The following SYTL2 variants were observed in gnomAD, a reference collection of about 807,000 sequenced individuals.
SYTL2 encodes the protein synaptotagmin-like protein 2.
Under a neutral mutation model 198.7 loss-of-function variants are expected in SYTL2, and 165 were observed. The ratio of observed to expected loss-of-function variants is 0.83; its 90% CI spans 0.73 to 0.94. The LOEUF is 0.94. SYTL2 is among the 40% of genes least tolerant of loss of function. The pLI, the probability that SYTL2 is intolerant of heterozygous loss-of-function variation, is 0.00. For synonymous variants in SYTL2, 966 were observed against 917.7 expected, an observed-to-expected ratio of 1.05 and a Z score of -0.95; for missense variants, 2,835 against 2,582.8, an observed-to-expected ratio of 1.10 and a Z score of -2.12.
At chr11:85,815,324 T>C (rs976705763), upstream of SYTL2, among the ~76,000 whole-genome samples, 1 of 152,236 alleles carries the variant, frequency 6.6e-6, no homozygotes, top group Non-Finnish European at 1.5e-5. Flanking sequence ...ATATCTGGCA[T>C]GGTAATGTGG....
chr11:85,744,488 A>G (rs191982766), intron 4 of SYTL2, among the ~76,000 whole-genome samples: 2 of 152,300 alleles, frequency 1.3e-5, no homozygotes, highest in Non-Finnish European at 2.9e-5. Flanking sequence ...TGGGAAACAG[A>G]ATGATCCCCT....
intron 1 of SYTL2, among the ~76,000 whole-genome samples, chr11:85,801,740 T>C (rs1592078828): frequency 6.6e-6 from 1 of 151,964 alleles, no homozygotes; most frequent in East Asian, 1.9e-4. Flanking sequence ...CTTTGGTCTT[T>C]GGTGAAACTC....
At chr11:85,816,872 C>T in the SYTL2 span, among the ~76,000 whole-genome samples, 13 of 145,626 alleles carry the variant, frequency 8.9e-5, no homozygotes, top group South Asian at 4.3e-4. Context: ...CATGATCATG[C>T]CACTAAACTT....
the SYTL2 span, among the ~76,000 whole-genome samples, chr11:85,831,020 T>G: frequency 6.6e-6 from 1 of 152,224 alleles, no homozygotes; most frequent in South Asian, 2.1e-4. Flanking sequence ...TTCTACGCCC[T>G]GGGGTTTTAT....
At chr11:85,735,523 G>A (rs566797318) in intron 6 of SYTL2, among the ~76,000 whole-genome samples, 6 of 152,264 alleles carry the variant, frequency 3.9e-5, no homozygotes, top group East Asian at 1.9e-4. Context: ...TTGGGAAGCC[G>A]AGGTGGGTGG....
chr11:85,731,066 A>G (rs2089765658), intron 7 of SYTL2, among the ~76,000 whole-genome samples: 1 of 152,188 alleles, frequency 6.6e-6, no homozygotes, highest in South Asian at 2.1e-4. Flanking sequence ...ACTACAAACC[A>G]CTGCTCAAGG....
intron 1 of SYTL2, among the ~76,000 whole-genome samples, chr11:85,794,484 T>C (rs2092775148): frequency 6.6e-6 from 1 of 152,174 alleles, no homozygotes; most frequent in Admixed American, 6.5e-5. Flanking sequence ...CAGCCAGTTT[T>C]AAATTTTAAA....
At chr11:85,730,750 C>T (rs1207670122) in intron 7 of SYTL2, among the ~76,000 whole-genome samples, 1 of 151,944 alleles carries the variant, frequency 6.6e-6, no homozygotes, top group African/African-American at 2.4e-5. Context: ...CTAGGACAAT[C>T]AGGCAAGAGA....
At chr11:85,731,361 G>T (rs772577786) in intron 7 of SYTL2, among the ~76,000 whole-genome samples, 123 of 152,226 alleles carry the variant, frequency 8.1e-4, no homozygotes, top group Non-Finnish European at 1.2e-3. Flanking sequence ...AACCAAAACT[G>T]CATGGTACTG....
At chr11:85,802,235 T>TC (rs1369250789) in intron 1 of SYTL2, among the ~76,000 whole-genome samples, 1 of 149,794 alleles carries the variant, frequency 6.7e-6, no homozygotes, top group Non-Finnish European at 1.5e-5. Flanking sequence ...TTTTTTTTTT[T>TC]TTGTGAGCCG....
At chr11:85,718,001 A>G (rs2087637138) in intron 10 of SYTL2, among the ~76,000 whole-genome samples, 1 of 152,244 alleles carries the variant, frequency 6.6e-6, no homozygotes, top group African/African-American at 2.4e-5. Flanking sequence ...ACATAAAAGT[A>G]AAGAATGACC....
intron 16 of SYTL2, among the ~76,000 whole-genome samples, chr11:85,701,931 T>C (rs2084355076): frequency 6.6e-6 from 1 of 152,202 alleles, no homozygotes; most frequent in Admixed American, 6.5e-5. Flanking sequence ...GACATTTAAG[T>C]AGTGCCAAAC....
At chr11:85,762,131 G>A (rs188413422) in intron 1 of SYTL2, among the ~76,000 whole-genome samples, 8 of 152,182 alleles carry the variant, frequency 5.3e-5, no homozygotes, top group South Asian at 4.2e-4. Flanking sequence ...TCCAATCAGC[G>A]AGGCAGAACA....
rs559273842 is a variant in SYTL2 at position 85,792,735 on chromosome 11, G to A, written c.-390+18219C>T. Among the ~76,000 whole-genome samples the A allele has an allele frequency of 1.1e-3, 161 of 151,492 alleles. 3 individuals are homozygous for A. The South Asian group carries it at 0.032, about 30-fold the overall frequency. On this transcript the variant is annotated intron_variant, in intron 1 of 19. Coordinates refer to ENST00000359152, the MANE Select transcript of SYTL2 (RefSeq NM_206927.4). Reference sequence around the variant, plus strand: ...GCTGGTGTGCTGCACCCATTAACTCGTCATTTAGCATTAGGTAGATCTCCT... The same window carrying A: ...GCTGGTGTGCTGCACCCATTAACTCATCATTTAGCATTAGGTAGATCTCCT...
the SYTL2 span, among the ~76,000 whole-genome samples, chr11:85,825,907 T>C: frequency 6.6e-6 from 1 of 152,328 alleles, no homozygotes; most frequent in East Asian, 1.9e-4. Flanking sequence ...ATTATTTTGT[T>C]AGATTGTAAG....
intron 1 of SYTL2, among the ~76,000 whole-genome samples, chr11:85,803,682 T>TC (rs1566041727): frequency 6.6e-6 from 1 of 152,134 alleles, no homozygotes; most frequent in African/African-American, 2.4e-5. Context: ...TTTAGAGAAC[T>TC]CCCCCCAAAG....
chr11:85,745,795 CAG>C (rs1350895242), intron 3 of SYTL2, 23 bp from the exon 4 acceptor site: 14 of 1,597,372 alleles, frequency 8.8e-6, no homozygotes, highest in Non-Finnish European at 1.2e-5. Context: ...ACAGTAAAGA[CAG>C]GAAGGTTATC....
intron 1 of SYTL2, among the ~76,000 whole-genome samples, chr11:85,777,837 T>TTTTTTTAG (rs2092481502): frequency 7.3e-6 from 1 of 136,056 alleles, no homozygotes; most frequent in South Asian, 2.3e-4. Flanking sequence ...TTTTTTTTTT[T>TTTTTTTAG]GAGACCGAGT....
At chr11:85,708,538 A>T (rs969590438) in intron 14 of SYTL2, among the ~76,000 whole-genome samples, 5 of 152,184 alleles carry the variant, frequency 3.3e-5, no homozygotes, top group African/African-American at 4.8e-5. Flanking sequence ...AATTTCCCCT[A>T]AAGTTCTGTA....
Sources: gnomAD v4.1 joint callset for allele counts (sites outside exome capture counted in the v4.1 genomes callset) on GRCh38, gnomAD v4.1.1 for gene constraint, MANE v1.5 for transcripts, NCBI Gene and HGNC (gene_info 2026-07-23, HGNC 2026-07-21) for gene names.